SLC2A12: variants seen among roughly 807,000 people sequenced by gnomAD.
SLC2A12 encodes solute carrier family 2 member 12.
SLC2A12 carries 23 observed loss-of-function variants against 41.8 expected under a neutral mutation model. That is an observed-to-expected ratio of 0.55 (90% CI 0.40 to 0.78). SLC2A12 has a LOEUF of 0.78. SLC2A12 is among the 30% of genes least tolerant of loss of function. SLC2A12 has a pLI of 0.00. For synonymous variants in SLC2A12, 295 were observed against 285.9 expected, an observed-to-expected ratio of 1.03 and a Z score of -0.32; for missense variants, 654 against 745.6, an observed-to-expected ratio of 0.88 and a Z score of 1.43.
intron 3 of SLC2A12, among the ~76,000 whole-genome samples, chr6:134,005,744 GA>G: frequency 7.4e-6 from 1 of 135,242 alleles, no homozygotes; most frequent in Non-Finnish European, 1.5e-5. Context: ...GATCCCTTTT[GA>G]AAATAAAAGT....
intron 1 of SLC2A12, among the ~76,000 whole-genome samples, chr6:134,034,258 A>G (rs1306521444): frequency 6.6e-6 from 1 of 152,160 alleles, no homozygotes; most frequent in Non-Finnish European, 1.5e-5. Context: ...ACGGCTTACC[A>G]ACATGGAGTT....
At chr6:133,998,413 AAG>A (rs1313967542) in intron 4 of SLC2A12, among the ~76,000 whole-genome samples, 1 of 152,258 alleles carries the variant, frequency 6.6e-6, no homozygotes, top group Non-Finnish European at 1.5e-5. Context: ...TGACTTTTTT[AAG>A]AGAGTACAAT....
intron 1 of SLC2A12, among the ~76,000 whole-genome samples, chr6:134,029,970 T>C (rs1415584418): frequency 6.6e-6 from 1 of 152,232 alleles, no homozygotes; most frequent in Non-Finnish European, 1.5e-5. Flanking sequence ...ATTTATGATG[T>C]TGATGTTTTT....
chr6:134,036,973 A>T (rs1166250185), intron 1 of SLC2A12, among the ~76,000 whole-genome samples: 2 of 152,056 alleles, frequency 1.3e-5, no homozygotes, highest in African/African-American at 4.8e-5. Context: ...TCAGTGGACC[A>T]GGTCTTCAGG....
At chr6:134,044,190 A>C (rs764856453) in intron 1 of SLC2A12, among the ~76,000 whole-genome samples, 4 of 152,080 alleles carry the variant, frequency 2.6e-5, no homozygotes, top group Non-Finnish European at 1.5e-5. Flanking sequence ...TATTACACAT[A>C]ATACATGTAT....
intron 1 of SLC2A12, among the ~76,000 whole-genome samples, chr6:134,033,899 C>T (rs749462227): frequency 3.3e-5 from 5 of 151,962 alleles, no homozygotes; most frequent in East Asian, 1.9e-4. Flanking sequence ...GAGGAAAGAG[C>T]TCCTGACAGA....
At chr6:134,010,345 A>C (rs1306583306) in intron 2 of SLC2A12, among the ~76,000 whole-genome samples, 1 of 152,122 alleles carries the variant, frequency 6.6e-6, no homozygotes, top group Non-Finnish European at 1.5e-5. Context: ...CCCTACCCCG[A>C]TGACAGGCCA....
At position 134,052,528 on chromosome 6, in the gene SLC2A12, C is replaced by A; in HGVS notation, c.-48G>T. On this transcript the variant is annotated 5_prime_UTR_variant, in exon 1 of 5. Coordinates refer to ENST00000275230, the MANE Select transcript of SLC2A12 (RefSeq NM_145176.3). ...CTTCCCCGCCACCAAACCGCCCCGA[C>A]CACCCCCGCTCCCAGGAGTGGTCAC... is the stretch of plus-strand genomic sequence containing the variant. The A allele has an allele frequency of 1.4e-6, 2 of 1,473,892 alleles. No individual in the cohort carries two copies. The allele number at this position is 1,473,892 out of a possible 1,614,324, so 91.3% of individuals were successfully genotyped here.
intron 1 of SLC2A12, among the ~76,000 whole-genome samples, chr6:134,038,878 T>C (rs1279923402): frequency 6.6e-6 from 1 of 151,854 alleles, no homozygotes; most frequent in Non-Finnish European, 1.5e-5. Context: ...CTAATTTTTA[T>C]ACTTTTAGTA....
At chr6:134,022,901 AT>A (rs925111110) in intron 2 of SLC2A12, among the ~76,000 whole-genome samples, 4 of 152,252 alleles carry the variant, frequency 2.6e-5, no homozygotes, top group African/African-American at 9.6e-5. Context: ...AGACGGCAGT[AT>A]TCCAAATAAT....
chr6:134,028,770 G>C lies in SLC2A12; in HGVS notation c.1055C>G (p.Ser352Cys), dbSNP rs752183636. 6.2e-7 allele frequency: 1 copy of C among 1,614,222 alleles called. No homozygotes were observed. Among genetic ancestry groups the C allele is most frequent in the South Asian group, 1.1e-5 (1 of 91,080 alleles). Residue 352 changes from serine (S) to cysteine (C), a missense_variant, in exon 2 of 5, where the codon TCT (serine) becomes TGT (cysteine). Ser to Cys is a moderately radical substitution (Grantham distance 112, BLOSUM62 -1). Coordinates refer to ENST00000275230, the MANE Select transcript of SLC2A12 (RefSeq NM_145176.3). The part of the protein sequence containing the change: ...GSKTFLCIGS[S>C]VMAASLVTMG... Reference sequence around the variant, plus strand: ...GGTCACCAACGAAGCTGCCATCACAGAGGAGCCAATGCAGAGGAATGTTTT... The same window carrying C: ...GGTCACCAACGAAGCTGCCATCACACAGGAGCCAATGCAGAGGAATGTTTT...
At chr6:134,027,605 C>T (rs752876627) in intron 2 of SLC2A12, among the ~76,000 whole-genome samples, 5 of 152,050 alleles carry the variant, frequency 3.3e-5, no homozygotes, top group Non-Finnish European at 5.9e-5. Context: ...GTACAAAAGA[C>T]CCTTCACAGC....
chr6:134,042,738 G>A (rs1219351508), intron 1 of SLC2A12, among the ~76,000 whole-genome samples: 2 of 152,090 alleles, frequency 1.3e-5, no homozygotes, highest in Non-Finnish European at 2.9e-5. Context: ...GCAGAAGTGG[G>A]AGGACTGCTT....
At chr6:134,023,389 G>A (rs1027136035) in intron 2 of SLC2A12, among the ~76,000 whole-genome samples, 3 of 152,194 alleles carry the variant, frequency 2.0e-5, no homozygotes, top group African/African-American at 7.2e-5. Context: ...GTGGCAGGAA[G>A]AGTGACTGCC....
chr6:134,045,408 AG>A (rs1777444116), intron 1 of SLC2A12, among the ~76,000 whole-genome samples: 2 of 152,204 alleles, frequency 1.3e-5, no homozygotes, highest in Non-Finnish European at 2.9e-5. Flanking sequence ...ACCCAAGACA[AG>A]TCCCTTTGCT....
chr6:134,008,943 C>T (rs1776846151), intron 2 of SLC2A12: 1 of 152,196 alleles, frequency 6.6e-6, no homozygotes, highest in African/African-American at 2.4e-5. Context: ...TTCCAGCTTC[C>T]ATCTTCACCT....
At chr6:134,007,435 C>A (rs182188646) in intron 2 of SLC2A12, among the ~76,000 whole-genome samples, 2 of 152,314 alleles carry the variant, frequency 1.3e-5, no homozygotes, top group Non-Finnish European at 2.9e-5. Flanking sequence ...ATGAGGAAGC[C>A]GGCTACTCTC....
At chr6:134,019,568 T>A (rs911117175) in intron 2 of SLC2A12, among the ~76,000 whole-genome samples, 4 of 151,356 alleles carry the variant, frequency 2.6e-5, no homozygotes, top group Non-Finnish European at 4.4e-5. Context: ...GAGTGTTTAA[T>A]AAGTATATAT....
Position 134,032,456 on chromosome 6 carries a change from A to ATT in SLC2A12, c.104-2736_104-2735insAA, listed in dbSNP as rs1562201718. ...TATATATATATATATATAAATATAT[A>ATT]TATATATATTTTTATATATATATAT... On this transcript the variant is annotated intron_variant, in intron 1 of 4. Transcript: ENST00000275230. 2.4e-3 allele frequency among the ~76,000 whole-genome samples: 88 copies of ATT among 36,322 alleles called. 3 individuals are homozygous for ATT. The highest frequency in any genetic ancestry group is 9.8e-3 in the African/African-American group (82 of 8,352). The allele number at this position is 36,322 out of a possible 152,430, so 23.8% of individuals were successfully genotyped here. A position where few individuals can be genotyped will look rare whatever the true frequency, so the allele number is the denominator to read the frequency against.
Sources: allele counts gnomAD v4.1 joint callset (sites outside exome capture counted in the v4.1 genomes callset), GRCh38; gene constraint gnomAD v4.1.1; transcripts MANE v1.5; gene names NCBI Gene and HGNC (gene_info 2026-07-23, HGNC 2026-07-21).